RFTN1: variants seen among roughly 807,000 people sequenced by gnomAD.
RFTN1 encodes the protein raftlin, lipid raft linker 1, also known as raftlin.
In RFTN1, 26 loss-of-function variants were observed where a neutral mutation model predicts 46.5. The observed-to-expected ratio is 0.56, with a 90% confidence interval of 0.41 to 0.78. The LOEUF is 0.78. RFTN1 is among the 30% of genes least tolerant of loss of function. The probability of loss-of-function intolerance (pLI) is 0.00; values close to 1 mark genes in which losing one functional copy is unlikely to be tolerated. For missense variants in RFTN1, 693 were observed against 718.7 expected (o/e 0.96, Z 0.41); for synonymous variants, 261 against 284.2 (o/e 0.92, Z 0.82).
chr3:16,437,615 C>A, intron 2 of RFTN1, among the ~76,000 whole-genome samples: 1 of 152,020 alleles, frequency 6.6e-6, no homozygotes, highest in East Asian at 1.9e-4. Flanking sequence ...GAGCTGAGAT[C>A]GCACCACTGC....
rs898699842 is a variant in RFTN1, at chr3:16,356,018, A to G, written c.1146+1914T>C. On this transcript the variant is annotated intron_variant, in intron 7 of 9. Transcript: ENST00000334133. This position sits in a 1 kb window ranked among gnomAD's most constrained non-coding sequence, Gnocchi z 4.9. ...CATGCATCGCTACTGTTACAGCCAA[A>G]TGTTACGGAGCAAACTGAATGCCGG... Among the ~76,000 whole-genome samples, 2 of 152,168 alleles carry G rather than the reference A, an allele frequency of 1.3e-5. No individual in the cohort carries two copies. The highest frequency in any genetic ancestry group is 2.9e-5 in the Non-Finnish European group (2 of 68,022).
intron 4 of RFTN1, among the ~76,000 whole-genome samples, chr3:16,405,411 A>G (rs114383635): frequency 2.3e-3 from 343 of 152,328 alleles, no homozygotes; most frequent in African/African-American, 8.0e-3. Flanking sequence ...ACACAGCAGG[A>G]CACAACAGGA....
At chr3:16,488,376 G>A (rs1249975435) in intron 2 of RFTN1, among the ~76,000 whole-genome samples, 12 of 152,188 alleles carry the variant, frequency 7.9e-5, no homozygotes, top group Admixed American at 7.9e-4. Context: ...TGGGATTACA[G>A]GCGTGAGCCA....
Position 16,370,822 on chromosome 3 carries a change from A to G in RFTN1, c.827-543T>C, listed in dbSNP as rs538447559. On this transcript the variant is annotated intron_variant, in intron 5 of 9. Transcript: ENST00000334133. The surrounding 1 kb of genome is among the most constrained non-coding windows in gnomAD (Gnocchi z 5.5). Reference sequence around the variant, plus strand: ...AGTACATCAAAAATACATCATTGATATGTAAAAATAAATATGTTCCCGTAA... The same window carrying G: ...AGTACATCAAAAATACATCATTGATGTGTAAAAATAAATATGTTCCCGTAA... The G allele has an allele frequency of 2.6e-5, 4 of 153,028 alleles. No individual in the cohort carries two copies. The East Asian group carries it at 7.7e-4, about 29-fold the overall frequency. The allele number at this position is 153,028 out of a possible 1,614,324, so 9.5% of individuals were successfully genotyped here. A position where few individuals can be genotyped will look rare whatever the true frequency, so the allele number is the denominator to read the frequency against.
chr3:16,494,095 G>T (rs192981209), intron 1 of RFTN1, among the ~76,000 whole-genome samples: 1 of 152,038 alleles, frequency 6.6e-6, no homozygotes, highest in African/African-American at 2.4e-5. Flanking sequence ...ATTACCAGCC[G>T]TCCTGAGATT....
intron 7 of RFTN1, chr3:16,350,172 C>T (rs2071995415): frequency 6.6e-6 from 1 of 152,216 alleles, no homozygotes; most frequent in African/African-American, 2.4e-5. Flanking sequence ...TTTAACATTT[C>T]CTGTAATTCC....
rs2073837184 is a variant in RFTN1 at position 16,377,834 on chromosome 3, G to T, written c.710C>A (p.Pro237His). 1 of 1,614,148 alleles carries T rather than the reference G, an allele frequency of 6.2e-7. No homozygotes were observed. Among genetic ancestry groups the T allele is most frequent in the Non-Finnish European group, 8.5e-7 (1 of 1,179,992 alleles). The change falls in exon 5 of 10, where the codon CCC becomes CAC. Residue 237 changes from proline to histidine, a missense_variant. Coordinates refer to ENST00000334133, the MANE Select transcript of RFTN1 (RefSeq NM_015150.2). ...PRGEVPLAKQ[P>H]SSPSGEGDGG... ...ATCTCCCTCTCCGGAGGGTGAGCTG[G>T]GCTGCTTGGCGAGGGGCACCTCCCC...
chr3:16,357,114 C>CAAA (rs10563071), intron 7 of RFTN1, among the ~76,000 whole-genome samples: 4 of 133,570 alleles, frequency 3.0e-5, no homozygotes, highest in African/African-American at 8.3e-5. Context: ...GATGCCATCT[C>CAAA]AAAAAAAAAA....
rs2073934814 is a variant in RFTN1 at position 16,380,121 on chromosome 3, G to T, written c.442-2019C>A. Among the ~76,000 whole-genome samples the T allele has an allele frequency of 6.6e-6, 1 of 152,208 alleles. No homozygotes were observed. Among genetic ancestry groups the T allele is most frequent in the South Asian group, 2.1e-4 (1 of 4,832 alleles). On this transcript the variant is annotated intron_variant, in intron 4 of 9. Coordinates refer to ENST00000334133, the MANE Select transcript of RFTN1 (RefSeq NM_015150.2). This position sits in a 1 kb window ranked among gnomAD's most constrained non-coding sequence, Gnocchi z 4.8. The stretch of plus-strand genomic sequence containing the variant: ...TCAACTAGAGTCACGGAAATAGCAT[G>T]AAGTTTAAAGGCTTTTGGAAAGGCC...
chr3:16,507,752 C>A lies in RFTN1; in HGVS notation c.-9+5690G>T, dbSNP rs750894880. On this transcript the variant is annotated intron_variant, in intron 1 of 9. Transcript: ENST00000334133. This position sits in a 1 kb window ranked among gnomAD's most constrained non-coding sequence, Gnocchi z 7.1. ...AAACACATACACACATACATGCACA[C>A]TCACATACACACAAACACACACATA... 1.3e-5 allele frequency among the ~76,000 whole-genome samples: 2 copies of A among 150,068 alleles called. No individual in the cohort carries two copies. The highest frequency in any genetic ancestry group is 2.9e-5 in the Non-Finnish European group (2 of 67,820).
chr3:16,374,282 G>T lies in RFTN1; in HGVS notation c.826+3436C>A, dbSNP rs1375169012. Among the ~76,000 whole-genome samples the T allele has an allele frequency of 6.6e-6, 1 of 152,216 alleles. No individual in the cohort carries two copies. Among genetic ancestry groups the T allele is most frequent in the Non-Finnish European group, 1.5e-5 (1 of 68,048 alleles). On this transcript the variant is annotated intron_variant, in intron 5 of 9. Coordinates refer to ENST00000334133, the MANE Select transcript of RFTN1 (RefSeq NM_015150.2). The surrounding 1 kb of genome is among the most constrained non-coding windows in gnomAD (Gnocchi z 5.4). ...CTGGGCTCTTTCCCAAATCTAACAA[G>T]AGGCTAACTTCATCAGGACACAGAA...
rs374357758 is a variant in RFTN1, at chr3:16,445,466, TTC to T, written c.146-11431_146-11430del. ...CTGTTGCCATTTTTTCTTTCTCTCT[TTC>T]TCTCTCTCTCTCTCTCACACACACA... On this transcript the variant is annotated intron_variant, in intron 2 of 9. Transcript: ENST00000334133. Among the ~76,000 whole-genome samples the T allele has an allele frequency of 5.8e-3, 677 of 116,284 alleles. 4 individuals carry two copies. Among genetic ancestry groups the T allele is most frequent in the Non-Finnish European group, 8.3e-3 (472 of 56,970 alleles). 76.3% of individuals were successfully genotyped at this position (116,284 alleles called of 152,430 possible). A position where few individuals can be genotyped will look rare whatever the true frequency, so the allele number is the denominator to read the frequency against.
chr3:16,454,075 G>C (rs1575316365), intron 2 of RFTN1, among the ~76,000 whole-genome samples: 1 of 152,206 alleles, frequency 6.6e-6, no homozygotes, highest in Admixed American at 6.5e-5. Context: ...AGCTCCACCA[G>C]ATCTGAGCTT....
chr3:16,461,282 T>C (rs1456000713), intron 2 of RFTN1, among the ~76,000 whole-genome samples: 1 of 152,234 alleles, frequency 6.6e-6, no homozygotes, highest in Non-Finnish European at 1.5e-5. Context: ...ACAAAGGAGC[T>C]GATCTCCTCA....
rs1333158320 is a variant in RFTN1, at chr3:16,498,085, A to G, written c.-8-4208T>C. 6.6e-6 allele frequency among the ~76,000 whole-genome samples: 1 copy of G among 152,192 alleles called. No homozygotes were observed. Among genetic ancestry groups the G allele is most frequent in the Non-Finnish European group, 1.5e-5 (1 of 68,042 alleles). ...GGCATTGTGCTTGATATCACAGGAC[A>G]TAAAGGGGCTCTGGGCAAATCATCC... On this transcript the variant is annotated intron_variant, in intron 1 of 9. Transcript: ENST00000334133. The surrounding 1 kb of genome is among the most constrained non-coding windows in gnomAD (Gnocchi z 5.2).
chr3:16,342,444 T>C lies in RFTN1; in HGVS notation c.1146+15488A>G, dbSNP rs1286016688. Among the ~76,000 whole-genome samples, 1 of 152,246 alleles carries C rather than the reference T, an allele frequency of 6.6e-6. No homozygotes were observed. Among genetic ancestry groups the C allele is most frequent in the East Asian group, 1.9e-4 (1 of 5,206 alleles). On this transcript the variant is annotated intron_variant, in intron 7 of 9. Coordinates refer to ENST00000334133, the MANE Select transcript of RFTN1 (RefSeq NM_015150.2). This position sits in a 1 kb window ranked among gnomAD's most constrained non-coding sequence, Gnocchi z 4.0. The stretch of plus-strand genomic sequence containing the variant: ...GTTTATTCATCATTTGATGAACATT[T>C]AAGTTGTTTCTACTTTTTGGACATT...
chr3:16,464,933 G>C (rs966505494), intron 2 of RFTN1, among the ~76,000 whole-genome samples: 2 of 152,192 alleles, frequency 1.3e-5, no homozygotes, highest in African/African-American at 2.4e-5. Flanking sequence ...AGAGAAGATT[G>C]CATGTGCGGT....
rs529911954 is a variant in RFTN1 at position 16,473,041 on chromosome 3, T to C, written c.145+20684A>G. Among the ~76,000 whole-genome samples the C allele has an allele frequency of 8.5e-5, 13 of 152,330 alleles. No individual in the cohort carries two copies. Among genetic ancestry groups the C allele is most frequent in the Admixed American group, 5.9e-4 (9 of 15,298 alleles). ...TTCTAAATGATACTAGGAAATCTGTTGGCTATAAATGAACTCATCGATAAC... is the reference window on the plus strand; with the variant it reads ...TTCTAAATGATACTAGGAAATCTGTCGGCTATAAATGAACTCATCGATAAC... On this transcript the variant is annotated intron_variant, in intron 2 of 9. Coordinates refer to ENST00000334133, the MANE Select transcript of RFTN1 (RefSeq NM_015150.2). This position sits in a 1 kb window ranked among gnomAD's most constrained non-coding sequence, Gnocchi z 5.3.
intron 2 of RFTN1, chr3:16,472,740 C>T (rs1365143261): frequency 1.3e-5 from 2 of 152,218 alleles, no homozygotes; most frequent in African/African-American, 2.4e-5. Context: ...GGCTTTGTCC[C>T]AACACATGAT....
Sources: gnomAD v4.1 joint callset for allele counts (sites outside exome capture counted in the v4.1 genomes callset) on GRCh38, gnomAD v4.1.1 for gene constraint, Gnocchi (gnomAD v3.1) non-coding constraint, MANE v1.5 for transcripts, NCBI Gene and HGNC (gene_info 2026-07-23, HGNC 2026-07-21) for gene names.